The following TINAG variants were observed in gnomAD, a reference collection of about 807,000 sequenced individuals.
TINAG encodes the protein tubulointerstitial nephritis antigen.
A neutral mutation model predicts 72.7 loss-of-function variants in TINAG; 83 were observed. The ratio of observed to expected loss-of-function variants is 1.14; its 90% CI spans 0.96 to 1.37. The LOEUF (loss-of-function observed/expected upper bound fraction) is 1.37, where lower values mean the gene tolerates loss of function less well. Ranked by LOEUF, TINAG falls within the 40% of genes most tolerant of loss-of-function variation. TINAG has a pLI of 0.00. For missense variants in TINAG, 685 were observed against 576.6 expected, an observed-to-expected ratio of 1.19 and a Z score of -1.93; for synonymous variants, 234 against 189.9, an observed-to-expected ratio of 1.23 and a Z score of -1.91.
At chr6:54,378,560 A>G (rs1049718037) in intron 9 of TINAG, among the ~76,000 whole-genome samples, 1 of 152,202 alleles carries the variant, frequency 6.6e-6, no homozygotes, top group Non-Finnish European at 1.5e-5. Flanking sequence ...ATATGTAGAA[A>G]CATAATGAAA....
chr6:54,372,003 T>TTTG (rs1763630677), intron 9 of TINAG, among the ~76,000 whole-genome samples: 1 of 135,434 alleles, frequency 7.4e-6, no homozygotes, highest in African/African-American at 3.0e-5. Context: ...TTTTTTTTTT[T>TTTG]TTTTTGAGAT....
chr6:54,344,049 T>C (rs1785064634), intron 5 of TINAG, among the ~76,000 whole-genome samples: 1 of 152,200 alleles, frequency 6.6e-6, no homozygotes, highest in Non-Finnish European at 1.5e-5. Flanking sequence ...GTTGAATATA[T>C]TTCAGGAATT....
intron 9 of TINAG, among the ~76,000 whole-genome samples, chr6:54,362,785 C>T (rs766510454): frequency 2.0e-5 from 3 of 151,250 alleles, no homozygotes; most frequent in South Asian, 2.1e-4. Flanking sequence ...CATAGAAGTT[C>T]GACATATCAA....
chr6:54,390,034 A>C lies in TINAG; in HGVS notation c.*109A>C. The C allele has an allele frequency of 7.1e-7, 1 of 1,416,418 alleles. No homozygotes were observed. The highest frequency in any genetic ancestry group is 9.6e-7 in the Non-Finnish European group (1 of 1,041,550). The allele number at this position is 1,416,418 out of a possible 1,614,324, so 87.7% of individuals were successfully genotyped here. ...GGAATCTTTGTCTCTTCACCGTGTT[A>C]ACATAATCTATCTATTTTCTTATTT... On this transcript the variant is annotated 3_prime_UTR_variant, in exon 11 of 11. Transcript: ENST00000259782.
intron 5 of TINAG, among the ~76,000 whole-genome samples, chr6:54,345,027 C>T (rs556703662): frequency 1.1e-3 from 168 of 151,998 alleles, no homozygotes; most frequent in African/African-American, 3.7e-3. Flanking sequence ...CTTATGTAAT[C>T]AAATCAAATT....
At chr6:54,310,630 T>C (rs932880750) in intron 1 of TINAG, among the ~76,000 whole-genome samples, 2 of 148,214 alleles carry the variant, frequency 1.3e-5, no homozygotes, top group Admixed American at 6.7e-5. Flanking sequence ...TCCCCTTCCT[T>C]CCTTCCTCCC....
At chr6:54,378,877 T>C (rs188173143) in intron 9 of TINAG, among the ~76,000 whole-genome samples, 5 of 152,194 alleles carry the variant, frequency 3.3e-5, no homozygotes, top group African/African-American at 4.8e-5. Flanking sequence ...CCCAAATCAC[T>C]TTTTCTTCCC....
At chr6:54,310,517 TTTTC>T (rs1033300612) in intron 1 of TINAG, among the ~76,000 whole-genome samples, 6 of 150,700 alleles carry the variant, frequency 4.0e-5, no homozygotes, top group African/African-American at 7.3e-5. Context: ...TCTTTCTTTC[TTTTC>T]TTTCTTTCTC....
intron 9 of TINAG, among the ~76,000 whole-genome samples, chr6:54,355,448 A>G (rs752050168): frequency 3.9e-5 from 6 of 152,068 alleles, no homozygotes; most frequent in Admixed American, 6.6e-5. Context: ...TCTTCTCCTT[A>G]CTGATCTTTG....
intron 1 of TINAG, among the ~76,000 whole-genome samples, chr6:54,315,560 C>A (rs1292033978): frequency 6.6e-6 from 1 of 151,934 alleles, no homozygotes; most frequent in Non-Finnish European, 1.5e-5. Context: ...CACTGTAGTC[C>A]CATCTACATG....
chr6:54,308,824 T>C lies in TINAG; in HGVS notation c.274T>C (p.Ser92Pro). The change falls in exon 1 of 11, where the codon TCT becomes CCT. Residue 92 changes from serine (S) to proline (P), a missense_variant. Ser to Pro is a moderately conservative substitution (Grantham distance 74). Transcript: ENST00000259782. ...YCDKFCDREN[S>P]DCCPDYKSFC... ...TGATAAATTCTGTGACAGAGAAAAT[T>C]CTGATTGCTGTCCTGACTACAAGTC... 1 of 1,613,832 alleles carries C rather than the reference T, an allele frequency of 6.2e-7. No homozygotes were observed.
At chr6:54,364,974 C>T (rs1376121961) in intron 9 of TINAG, among the ~76,000 whole-genome samples, 1 of 151,430 alleles carries the variant, frequency 6.6e-6, no homozygotes, top group Non-Finnish European at 1.5e-5. Context: ...TTTGTTGGGG[C>T]CACCATTTGT....
intron 10 of TINAG, among the ~76,000 whole-genome samples, chr6:54,388,581 G>A (rs78382360): frequency 0.058 from 8,825 of 152,078 alleles, 376 homozygotes; most frequent in Non-Finnish European, 0.083. Flanking sequence ...AATGGGAGGC[G>A]AGTGTGAGAG....
intron 5 of TINAG, among the ~76,000 whole-genome samples, chr6:54,346,427 T>C (rs953207472): frequency 1.3e-5 from 2 of 151,842 alleles, no homozygotes; most frequent in African/African-American, 4.8e-5. Flanking sequence ...TGTGTGTGTA[T>C]ACATATATAA....
At chr6:54,337,725 C>G (rs929041512) in intron 4 of TINAG, among the ~76,000 whole-genome samples, 1 of 152,120 alleles carries the variant, frequency 6.6e-6, no homozygotes, top group East Asian at 1.9e-4. Flanking sequence ...TGAGCAATAA[C>G]GACCATTTTC....
chr6:54,309,080 G>C (rs908454684), intron 1 of TINAG, among the ~76,000 whole-genome samples, 175 bp downstream of exon 1: 1 of 152,088 alleles, frequency 6.6e-6, no homozygotes, highest in Non-Finnish European at 1.5e-5. Flanking sequence ...TGGATGTGGG[G>C]TTCCTGTGTA....
intron 9 of TINAG, among the ~76,000 whole-genome samples, chr6:54,367,792 CTACACAACA>C (rs921970921): frequency 6.6e-6 from 1 of 151,708 alleles, no homozygotes; most frequent in Non-Finnish European, 1.5e-5. Flanking sequence ...ACTGGGTGAC[CTACACAACA>C]TTTATTTCTC....
intron 8 of TINAG, 61 bp from the exon 9 acceptor site, chr6:54,354,452 G>C: frequency 6.8e-7 from 1 of 1,468,302 alleles, no homozygotes; most frequent in Non-Finnish European, 9.1e-7. Context: ...GAAATTTTCT[G>C]GTGGTTTTTA....
chr6:54,340,271 A>G (rs1418957827), intron 4 of TINAG, among the ~76,000 whole-genome samples: 2 of 152,178 alleles, frequency 1.3e-5, no homozygotes, highest in Non-Finnish European at 2.9e-5. Context: ...GAAAAGAATT[A>G]AGCATATCTA....
Sources: gnomAD v4.1 joint callset for allele counts (sites outside exome capture counted in the v4.1 genomes callset) on GRCh38, gnomAD v4.1.1 for gene constraint, MANE v1.5 for transcripts, NCBI Gene and HGNC (gene_info 2026-07-23, HGNC 2026-07-21) for gene names.